Variants in PDIA5 observed in about 807,000 individuals in gnomAD.
PDIA5 encodes the protein protein disulfide isomerase family A member 5.
A neutral mutation model predicts 77.6 loss-of-function variants in PDIA5; 58 were observed. The ratio of observed to expected loss-of-function variants is 0.75; its 90% CI spans 0.61 to 0.93. PDIA5 has a LOEUF of 0.93. PDIA5 is among the 40% of genes least tolerant of loss of function. PDIA5 has a pLI of 0.00. For synonymous variants in PDIA5, 250 were observed against 252.1 expected (o/e 0.99, Z 0.08); for missense variants, 630 against 647.7 (o/e 0.97, Z 0.30).
intron 1 of PDIA5, among the ~76,000 whole-genome samples, chr3:123,070,938 T>G (rs1037625541): frequency 6.6e-6 from 1 of 152,132 alleles, no homozygotes; most frequent in African/African-American, 2.4e-5. Context: ...TGGTGTATTT[T>G]TTTGTTTGTT....
chr3:123,113,376 C>A (rs1160354575), intron 7 of PDIA5, among the ~76,000 whole-genome samples: 1 of 152,260 alleles, frequency 6.6e-6, no homozygotes, highest in Non-Finnish European at 1.5e-5. Flanking sequence ...GGCAGTGTGC[C>A]CATCCCATCC....
intron 1 of PDIA5, among the ~76,000 whole-genome samples, chr3:123,083,017 G>A (rs1934047919): frequency 6.6e-6 from 1 of 152,156 alleles, no homozygotes; most frequent in Non-Finnish European, 1.5e-5. Flanking sequence ...CCCTGAATGA[G>A]CAGACACCTG....
At position 123,102,442 on chromosome 3, in the gene PDIA5, A is replaced by G. The variant is rs542578057; in HGVS notation, c.289A>G (p.Met97Val). ...AGAGAGTAGAAAATTGTGCAAGAAG[A>G]TGAAAGTTGACCTGAGCCCGAAGGA... ...DAESRKLCKK[M>V]KVDLSPKDKK... Residue 97 changes from methionine (M) to valine (V), a missense_variant, in exon 4 of 17, where the codon ATG becomes GTG. Met to Val is a conservative substitution (Grantham distance 21, BLOSUM62 1). Transcript: ENST00000316218. The G allele has an allele frequency of 2.4e-5, 39 of 1,614,114 alleles. No individual in the cohort carries two copies. The East Asian group carries it at 8.5e-4, about 35-fold the overall frequency.
chr3:123,145,463 G>A (rs893936984), intron 11 of PDIA5, 59 bp from the exon 12 acceptor site: 25 of 1,337,106 alleles, frequency 1.9e-5, no homozygotes, highest in Middle Eastern at 3.8e-4. Context: ...GGCGGCGCAG[G>A]GGAGCATCCC....
intron 8 of PDIA5, among the ~76,000 whole-genome samples, chr3:123,121,759 A>G (rs1002957560): frequency 2.6e-5 from 4 of 152,240 alleles, no homozygotes; most frequent in African/African-American, 9.6e-5. Context: ...TCCTAGTCCT[A>G]GTAACAAAAA....
chr3:123,097,079 A>G (rs1934462927), intron 3 of PDIA5, among the ~76,000 whole-genome samples: 1 of 152,220 alleles, frequency 6.6e-6, no homozygotes, highest in South Asian at 2.1e-4. Flanking sequence ...TGGAGCAGTC[A>G]CAGCTTCCCA....
At chr3:123,129,894 G>A (rs1935333471) in intron 10 of PDIA5, among the ~76,000 whole-genome samples, 1 of 152,306 alleles carries the variant, frequency 6.6e-6, no homozygotes, top group African/African-American at 2.4e-5. Flanking sequence ...CGCTGTCGTA[G>A]TTAGGATACC....
Position 123,093,537 on chromosome 3 carries a change from A to G in PDIA5, c.257+1095A>G, listed in dbSNP as rs147582980. On this transcript the variant is annotated intron_variant, in intron 3 of 16. Transcript: ENST00000316218. ...TGGAGGCTTATTGTAGGGAGTGCTT[A>G]TGAGGCTTGTAGGTGGCAGAAATGG... Among the ~76,000 whole-genome samples the G allele has an allele frequency of 8.8e-4, 134 of 152,300 alleles. No individual in the cohort carries two copies. In the East Asian group the frequency reaches 0.025, roughly 29 times the overall value.
chr3:123,147,874 G>A (rs776594433), intron 13 of PDIA5, among the ~76,000 whole-genome samples: 1 of 152,130 alleles, frequency 6.6e-6, no homozygotes, highest in Non-Finnish European at 1.5e-5. Flanking sequence ...ATCTGGCCAG[G>A]TCCCTGTGAT....
intron 2 of PDIA5, among the ~76,000 whole-genome samples, chr3:123,089,499 A>G (rs1451136865): frequency 6.6e-6 from 1 of 152,196 alleles, no homozygotes; most frequent in Non-Finnish European, 1.5e-5. Context: ...GGGTGGTTCC[A>G]TTTCTTTTTT....
At chr3:123,070,403 A>T (rs1352537823) in intron 1 of PDIA5, among the ~76,000 whole-genome samples, 2 of 152,160 alleles carry the variant, frequency 1.3e-5, no homozygotes, top group Non-Finnish European at 2.9e-5. Context: ...GTGGATTCCA[A>T]GTTTTTCACA....
chr3:123,135,377 G>A (rs1935474469), intron 11 of PDIA5, among the ~76,000 whole-genome samples: 1 of 152,134 alleles, frequency 6.6e-6, no homozygotes, highest in Non-Finnish European at 1.5e-5. Flanking sequence ...GGATCCTGAG[G>A]ACCCCCTGCT....
chr3:123,080,755 A>G (rs1044408740), intron 1 of PDIA5, among the ~76,000 whole-genome samples: 1 of 152,210 alleles, frequency 6.6e-6, no homozygotes, highest in African/African-American at 2.4e-5. Flanking sequence ...CTCAAGATCT[A>G]TTTGTGTGTG....
intron 13 of PDIA5, 130 bp downstream of exon 13, chr3:123,146,389 G>A (rs1173249564): frequency 2.7e-6 from 2 of 748,838 alleles, no homozygotes; most frequent in Non-Finnish European, 4.4e-6. Flanking sequence ...AGACGGATCT[G>A]ACTTCCTCAA....
chr3:123,144,028 G>A (rs550485642), intron 11 of PDIA5, among the ~76,000 whole-genome samples: 2 of 152,276 alleles, frequency 1.3e-5, no homozygotes, highest in African/African-American at 4.8e-5. Context: ...AGCTGAGGAA[G>A]CCAGGTACAG....
intron 3 of PDIA5, among the ~76,000 whole-genome samples, chr3:123,096,343 C>T (rs979224741): frequency 7.8e-5 from 11 of 141,158 alleles, no homozygotes; most frequent in Non-Finnish European, 1.2e-4. Flanking sequence ...CGTACCACCA[C>T]GCTCAGCTAA....
At chr3:123,112,823 G>T (rs979905617) in intron 7 of PDIA5, among the ~76,000 whole-genome samples, 2 of 152,040 alleles carry the variant, frequency 1.3e-5, no homozygotes, top group African/African-American at 2.4e-5. Flanking sequence ...GCCTCCCAAA[G>T]TGCTGGAATT....
intron 14 of PDIA5, among the ~76,000 whole-genome samples, chr3:123,150,963 C>G (rs1238220465): frequency 6.6e-6 from 1 of 152,334 alleles, no homozygotes; most frequent in East Asian, 1.9e-4. Flanking sequence ...CTTAGAATTT[C>G]CCACTCTCTG....
intron 10 of PDIA5, among the ~76,000 whole-genome samples, chr3:123,127,666 A>T (rs1430308191): frequency 1.3e-5 from 2 of 152,164 alleles, no homozygotes. Flanking sequence ...GTTTCTCTGG[A>T]GCTTCCACTT....
Sources: gnomAD v4.1 joint callset for allele counts (sites outside exome capture counted in the v4.1 genomes callset) on GRCh38, gnomAD v4.1.1 for gene constraint, MANE v1.5 for transcripts, NCBI Gene and HGNC (gene_info 2026-07-23, HGNC 2026-07-21) for gene names.